The following PTDSS2 variants were observed in gnomAD, a reference collection of about 807,000 sequenced individuals.
The protein encoded by PTDSS2 is phosphatidylserine synthase 2.
A neutral mutation model predicts 64.7 loss-of-function variants in PTDSS2; 41 were observed. The observed-to-expected ratio is 0.63, with a 90% CI of 0.49 to 0.82. PTDSS2 has a LOEUF of 0.82. Ranked by LOEUF, PTDSS2 falls within the 40% of genes least tolerant of loss-of-function variation. The probability of loss-of-function intolerance (pLI) is 0.00; values close to 1 mark genes in which losing one functional copy is unlikely to be tolerated. For missense variants in PTDSS2, 485 were observed against 650.0 expected (o/e 0.75, Z 2.76); for synonymous variants, 297 against 277.8 (o/e 1.07, Z -0.69).
chr11:448,692 GC>G (rs1846195515), upstream of PTDSS2, among the ~76,000 whole-genome samples: 3 of 152,328 alleles, frequency 2.0e-5, no homozygotes, highest in South Asian at 6.2e-4. Context: ...TCACAGTCAG[GC>G]CCCATCCCTG....
At position 470,499 on chromosome 11, in the gene PTDSS2, AG is replaced by A. The variant is rs1847377187; in HGVS notation, c.285-3391del. The stretch of plus-strand genomic sequence containing the variant: ...AGGAAGAGATTGTTGGGGGCGGGGC[AG>A]GGGGAAGGACATCAGGGGAGAGCGA... On this transcript the variant is annotated intron_variant, in intron 2 of 11. Transcript: ENST00000308020. This position sits in a 1 kb window ranked among gnomAD's most constrained non-coding sequence, Gnocchi z 5.3. Among the ~76,000 whole-genome samples, 1 of 152,146 alleles carries A rather than the reference AG, an allele frequency of 6.6e-6. No individual in the cohort carries two copies. The highest frequency in any genetic ancestry group is 2.4e-5 in the African/African-American group (1 of 41,426).
chr11:490,013 T>C lies in PTDSS2; in HGVS notation c.1246T>C (p.Trp416Arg). ...LSLPFYISQCWTLGSVLALTW... is the reference protein window; with the variant it reads ...LSLPFYISQCRTLGSVLALTW... ...CCTGCCCTTCTACATCTCCCAGTGCTGGACCCTCGGCTCCGTCCTGGCGCT... is the reference window on the plus strand; with the variant it reads ...CCTGCCCTTCTACATCTCCCAGTGCCGGACCCTCGGCTCCGTCCTGGCGCT... The change falls in exon 11 of 12, where the codon TGG becomes CGG. Residue 416 changes from tryptophan (W) to arginine (R), a missense_variant. Trp to Arg is a moderately radical substitution (Grantham distance 101, BLOSUM62 -3). Coordinates refer to ENST00000308020, the MANE Select transcript of PTDSS2 (RefSeq NM_030783.3). 8 of 1,611,860 alleles carry C rather than the reference T, an allele frequency of 5.0e-6. No individual in the cohort carries two copies. The highest frequency in any genetic ancestry group is 6.8e-6 in the Non-Finnish European group (8 of 1,179,956).
chr11:452,633 T>C (rs1246731440), intron 1 of PTDSS2, among the ~76,000 whole-genome samples: 4 of 152,176 alleles, frequency 2.6e-5, no homozygotes, highest in Admixed American at 6.5e-5. Context: ...TGGGTGGCTC[T>C]GGCTCTGGCT....
intron 3 of PTDSS2, among the ~76,000 whole-genome samples, chr11:478,295 A>C (rs1470991418): frequency 2.0e-5 from 3 of 152,036 alleles, no homozygotes; most frequent in Admixed American, 6.6e-5. Context: ...TACAAAAAAA[A>C]AAAAAATACA....
In PTDSS2 at chr11:490,438, C is replaced by T; in HGVS notation, c.1320C>T (p.Tyr440=). 1 of 1,613,240 alleles carries T rather than the reference C, an allele frequency of 6.2e-7. No homozygotes were observed. Among genetic ancestry groups the T allele is most frequent in the Non-Finnish European group, 8.5e-7 (1 of 1,179,946 alleles). Reference sequence around the variant, plus strand: ...TCCCCAGGGACATCACATTGAGGTACAAGGAGACCCGGTGGCAGAAGTGGC... The same window carrying T: ...TCCCCAGGGACATCACATTGAGGTATAAGGAGACCCGGTGGCAGAAGTGGC... ...RFFLRDITLR[Y]KETRWQKWQN... is the part of the protein sequence containing the mutation. Residue 440 remains tyrosine (Y), a synonymous_variant, in exon 12 of 12, where the codon TAC becomes TAT. Transcript: ENST00000308020.
At position 490,778 on chromosome 11, in the gene PTDSS2, ACGTGTGTATG is replaced by A. The variant is rs1223968745; in HGVS notation, c.*204_*213del. On this transcript the variant is annotated 3_prime_UTR_variant, in exon 12 of 12. Transcript: ENST00000308020. ...CTCATCTCCATGTGTACACGTGTGT[ACGTGTGTATG>A]CGTGTGTGTACGCGTGTGTACGCGC... 5 of 610,938 alleles carry A rather than the reference ACGTGTGTATG, an allele frequency of 8.2e-6. No individual in the cohort carries two copies. The highest frequency in any genetic ancestry group is 5.9e-5 in the South Asian group (3 of 50,572). The allele number at this position is 610,938 out of a possible 1,614,324, so 37.8% of individuals were successfully genotyped here. A position where few individuals can be genotyped will look rare whatever the true frequency, so the allele number is the denominator to read the frequency against.
Position 490,498 on chromosome 11 carries a change from C to A in PTDSS2, c.1380C>A (p.Asn460Lys), listed in dbSNP as rs752454808. ...ATGACCAGGGCAGCACCGTCGGCAA[C>A]GGGGACCAGCACCCACTGGGGCTGG... The part of the protein sequence containing the change: ...NKDDQGSTVG[N>K]GDQHPLGLDE... Residue 460 changes from asparagine (N) to lysine (K), a missense_variant, in exon 12 of 12, where the codon AAC becomes AAA. Asn to Lys is a moderately conservative substitution (Grantham distance 94). Coordinates refer to ENST00000308020, the MANE Select transcript of PTDSS2 (RefSeq NM_030783.3). The A allele has an allele frequency of 4.3e-6, 7 of 1,613,008 alleles. No individual in the cohort carries two copies. The African/African-American group carries it at 9.3e-5, about 22-fold the overall frequency.
At position 450,469 on chromosome 11, in the gene PTDSS2, A is replaced by C; in HGVS notation, c.14A>C (p.Glu5Ala). The change falls in exon 1 of 12, where the codon GAG (glutamate) becomes GCG (alanine). Residue 5 changes from glutamate (E) to alanine (A), a missense_variant. By Grantham distance (107) the Glu-to-Ala change is moderately radical (BLOSUM62 -1). Transcript: ENST00000308020. ...GGCCGAAACGCCATGCGGAGGGGCG[A>C]GCGCAGGGACGCCGGAGGTCCGCGG... The part of the protein sequence containing the change: MRRG[E>A]RRDAGGPRPE... 8.1e-7 allele frequency: 1 copy of C among 1,230,620 alleles called. No homozygotes were observed. The highest frequency in any genetic ancestry group is 1.0e-6 in the Non-Finnish European group (1 of 983,294). The allele number at this position is 1,230,620 out of a possible 1,614,324, so 76.2% of individuals were successfully genotyped here.
chr11:466,280 C>T (rs553930495), intron 2 of PTDSS2, among the ~76,000 whole-genome samples: 3 of 151,970 alleles, frequency 2.0e-5, no homozygotes, highest in South Asian at 4.2e-4. Flanking sequence ...CTCACAGTTC[C>T]GAATTGCTGG....
Position 468,754 on chromosome 11 carries a change from A to G in PTDSS2, c.285-5141A>G, listed in dbSNP as rs1020505107. Among the ~76,000 whole-genome samples, 61 of 139,686 alleles carry G rather than the reference A, an allele frequency of 4.4e-4. No individual in the cohort carries two copies. The Middle Eastern group carries it at 0.017, about 40-fold the overall frequency. The allele number at this position is 139,686 out of a possible 152,430, so 91.6% of individuals were successfully genotyped here. A position where few individuals can be genotyped will look rare whatever the true frequency, so the allele number is the denominator to read the frequency against. On this transcript the variant is annotated intron_variant, in intron 2 of 11. Transcript: ENST00000308020. Reference sequence around the variant, plus strand: ...GAAGGAGGGGAGTCTCTGGGTAATCAGAGGGAGGAGGAGGGGAGTCTCTGG... The same window carrying G: ...GAAGGAGGGGAGTCTCTGGGTAATCGGAGGGAGGAGGAGGGGAGTCTCTGG...
At chr11:484,497 C>T (rs1447525671) in intron 4 of PTDSS2, among the ~76,000 whole-genome samples, 1 of 152,218 alleles carries the variant, frequency 6.6e-6, no homozygotes, top group Non-Finnish European at 1.5e-5. Context: ...GTAAACACAG[C>T]CAGTGCAGGG....
chr11:475,020 A>T (rs77185884), intron 3 of PTDSS2, among the ~76,000 whole-genome samples: 2 of 76,398 alleles, frequency 2.6e-5, no homozygotes, highest in African/African-American at 1.0e-4. Context: ...TGTGATACGG[A>T]CATATTCACG....
In PTDSS2 at chr11:490,809, CGCGCGTGTGT is replaced by C. The variant is rs1166373260; in HGVS notation, c.*228_*237del. 3.5e-6 allele frequency: 2 copies of C among 564,032 alleles called. No individual in the cohort carries two copies. Among genetic ancestry groups the C allele is most frequent in the African/African-American group, 3.9e-5 (2 of 51,482 alleles). The allele number at this position is 564,032 out of a possible 1,614,324, so 34.9% of individuals were successfully genotyped here. A position where few individuals can be genotyped will look rare whatever the true frequency, so the allele number is the denominator to read the frequency against. Reference sequence around the variant, plus strand: ...GTATGCGTGTGTGTACGCGTGTGTACGCGCGTGTGTACACATGCGTGGCCGCCTGTGGTGT... The same window carrying C: ...GTATGCGTGTGTGTACGCGTGTGTACACACATGCGTGGCCGCCTGTGGTGT... On this transcript the variant is annotated 3_prime_UTR_variant, in exon 12 of 12. Transcript: ENST00000308020.
rs900051155 is a variant in PTDSS2, at chr11:476,918, G to A, written c.368-2167G>A. On this transcript the variant is annotated intron_variant, in intron 3 of 11. Transcript: ENST00000308020. The surrounding 1 kb of genome is among the most constrained non-coding windows in gnomAD (Gnocchi z 4.9). Reference sequence around the variant, plus strand: ...CTGTCCTGGAGCCACCTTCTTCCACGCGTCTTGTTAACTTGGGGGCCGGCA... The same window carrying A: ...CTGTCCTGGAGCCACCTTCTTCCACACGTCTTGTTAACTTGGGGGCCGGCA... 7.2e-5 allele frequency among the ~76,000 whole-genome samples: 11 copies of A among 152,086 alleles called. No individual in the cohort carries two copies. Among genetic ancestry groups the A allele is most frequent in the East Asian group, 3.8e-4 (2 of 5,196 alleles).
At chr11:484,189 C>A (rs1848195714) in intron 4 of PTDSS2, among the ~76,000 whole-genome samples, 1 of 152,192 alleles carries the variant, frequency 6.6e-6, no homozygotes, top group Admixed American at 6.5e-5. Context: ...TGCCCAAATT[C>A]TTTTGCCAAA....
In PTDSS2 at chr11:461,005, A is replaced by T. The variant is rs1486926308; in HGVS notation, c.284+717A>T. The T allele has an allele frequency of 6.6e-6, 1 of 152,314 alleles. No homozygotes were observed. The highest frequency in any genetic ancestry group is 1.5e-5 in the Non-Finnish European group (1 of 68,118). The allele number at this position is 152,314 out of a possible 1,614,324, so 9.4% of individuals were successfully genotyped here. On this transcript the variant is annotated intron_variant, in intron 2 of 11. Transcript: ENST00000308020. This position sits in a 1 kb window ranked among gnomAD's most constrained non-coding sequence, Gnocchi z 4.2. The stretch of plus-strand genomic sequence containing the variant: ...GCTGACACCATCAGGGCCTGGCCCC[A>T]CTTGCTCCGGCGGGATGGTGGGAGG...
intron 4 of PTDSS2, among the ~76,000 whole-genome samples, chr11:486,667 C>A (rs892766482): frequency 2.6e-5 from 4 of 152,000 alleles, no homozygotes; most frequent in African/African-American, 9.7e-5. Flanking sequence ...ACGGTGAAAC[C>A]CCGTCTCTAC....
At chr11:468,703 GGGAGGGGAGTCTCTGGATAATCAGAGAA>G (rs1188773250) in intron 2 of PTDSS2, among the ~76,000 whole-genome samples, 5 of 152,310 alleles carry the variant, frequency 3.3e-5, no homozygotes, top group East Asian at 1.9e-4. Context: ...TGATGGCTGT[GGGAGGGGAGTCTCTGGATAATCAGAGAA>G]GGAGGGGAGT....
At chr11:486,719 G>C (rs1848408688) in intron 4 of PTDSS2, among the ~76,000 whole-genome samples, 1 of 152,150 alleles carries the variant, frequency 6.6e-6, no homozygotes. Context: ...GTGGTGGCGG[G>C]CGCCTGTAGT....
Sources: allele counts gnomAD v4.1 joint callset (sites outside exome capture counted in the v4.1 genomes callset), GRCh38; gene constraint gnomAD v4.1.1; non-coding constraint Gnocchi (gnomAD v3.1); transcripts MANE v1.5; gene names NCBI Gene and HGNC (gene_info 2026-07-23, HGNC 2026-07-21).